The following KATNAL2 variants were observed in gnomAD, a reference collection of about 807,000 sequenced individuals.
KATNAL2 encodes katanin p60 ATPase-containing subunit A-like 2.
A neutral mutation model predicts 76.3 loss-of-function variants in KATNAL2; 52 were observed. That is an observed-to-expected ratio of 0.68 (90% CI 0.55 to 0.86). The LOEUF (loss-of-function observed/expected upper bound fraction) is 0.86. Ranked by LOEUF, KATNAL2 falls within the 40% of genes least tolerant of loss-of-function variation. The pLI, the probability that KATNAL2 is intolerant of heterozygous loss-of-function variation, is 0.00. For synonymous variants in KATNAL2, 243 were observed against 244.2 expected, an observed-to-expected ratio of 1.00 and a Z score of 0.05; for missense variants, 660 against 668.9, an observed-to-expected ratio of 0.99 and a Z score of 0.15.
At chr18:47,035,628 T>A in intron 3 of KATNAL2, 1 of 454,814 alleles carries the variant, frequency 2.2e-6, no homozygotes, top group Middle Eastern at 6.5e-4. Flanking sequence ...TCTTAGCTCT[T>A]GGGCTGCCCC....
At chr18:47,088,023 C>T (rs1457741526) in intron 15 of KATNAL2, among the ~76,000 whole-genome samples, 1 of 152,142 alleles carries the variant, frequency 6.6e-6, no homozygotes, top group Admixed American at 6.6e-5. Context: ...TGACTCAGTG[C>T]CCTGCTGGGC....
intron 1 of KATNAL2, among the ~76,000 whole-genome samples, chr18:46,936,446 A>G (rs2059094293): frequency 1.3e-5 from 2 of 152,290 alleles, no homozygotes; most frequent in East Asian, 3.9e-4. Context: ...ACTTTTCTAC[A>G]TAACCTGGGG....
In KATNAL2 at chr18:47,100,210, G is replaced by A. The variant is rs747606900; in HGVS notation, c.1375-44G>A. 10 of 1,395,950 alleles carry A rather than the reference G, an allele frequency of 7.2e-6. No homozygotes were observed. In the South Asian group the frequency reaches 1.0e-4, roughly 15 times the overall value. 86.5% of individuals were successfully genotyped at this position (1,395,950 alleles called of 1,614,324 possible). On this transcript the variant is annotated intron_variant, in intron 16 of 17. Transcript: ENST00000683218. ...GCCTATAACAACGTAATGGCCAGGA[G>A]CATTCTGCCCACTGACCAATGGCTG...
Position 46,917,683 on chromosome 18 carries a change from C to G in KATNAL2, c.-753C>G. 1 of 468,546 alleles carries G rather than the reference C, an allele frequency of 2.1e-6. No homozygotes were observed. Among genetic ancestry groups the G allele is most frequent in the Non-Finnish European group, 2.8e-6 (1 of 356,022 alleles). The allele number at this position is 468,546 out of a possible 1,614,324, so 29.0% of individuals were successfully genotyped here. On this transcript the variant is annotated 5_prime_UTR_variant, in exon 1 of 18. Transcript: ENST00000683218. ...TGGCCCCGCTCGGCCCCAGGTCGTGCCTTCCCTCCCCGGCGGAGGCCCCTG... is the reference window on the plus strand; with the variant it reads ...TGGCCCCGCTCGGCCCCAGGTCGTGGCTTCCCTCCCCGGCGGAGGCCCCTG...
At chr18:47,099,911 A>G (rs1167913227) in intron 16 of KATNAL2, among the ~76,000 whole-genome samples, 2 of 152,100 alleles carry the variant, frequency 1.3e-5, no homozygotes, top group African/African-American at 4.8e-5. Flanking sequence ...GGCAGGTATG[A>G]TCTTATTTAC....
chr18:47,072,907 C>A (rs998629650), intron 13 of KATNAL2, among the ~76,000 whole-genome samples: 1 of 152,090 alleles, frequency 6.6e-6, no homozygotes, highest in Admixed American at 6.5e-5. Flanking sequence ...TGTGCCAAAA[C>A]GTATTTAACC....
intron 1 of KATNAL2, among the ~76,000 whole-genome samples, chr18:46,930,508 G>C (rs1282759204): frequency 6.6e-6 from 1 of 151,970 alleles, no homozygotes; most frequent in Non-Finnish European, 1.5e-5. Context: ...TATGTCCAGT[G>C]AATGAAGTTA....
intron 15 of KATNAL2, among the ~76,000 whole-genome samples, chr18:47,096,111 T>C (rs1478518494): frequency 1.3e-5 from 2 of 152,192 alleles, no homozygotes; most frequent in South Asian, 2.1e-4. Context: ...AGCTCAGGGT[T>C]AGACAAACAA....
intron 17 of KATNAL2, 73 bp from the exon 18 acceptor site, chr18:47,100,793 C>A: frequency 6.5e-7 from 1 of 1,535,966 alleles, no homozygotes; most frequent in South Asian, 1.1e-5. Flanking sequence ...GAAAGAAGGT[C>A]TATTAGCGTT....
intron 1 of KATNAL2, among the ~76,000 whole-genome samples, chr18:46,922,633 G>T (rs1404096502): frequency 1.3e-5 from 2 of 151,604 alleles, no homozygotes; most frequent in African/African-American, 4.8e-5. Context: ...ATGTCTATCC[G>T]CTAAAGAAAT....
At chr18:46,953,401 A>C (rs982214569) in intron 3 of KATNAL2, among the ~76,000 whole-genome samples, 1 of 152,196 alleles carries the variant, frequency 6.6e-6, no homozygotes, top group Admixed American at 6.5e-5. Flanking sequence ...ACACTTTGGG[A>C]GGCCAAGGCA....
At chr18:46,918,634 C>T (rs1345518911) in intron 1 of KATNAL2, among the ~76,000 whole-genome samples, 1 of 152,140 alleles carries the variant, frequency 6.6e-6, no homozygotes, top group Non-Finnish European at 1.5e-5. Flanking sequence ...GTTGGTCAGG[C>T]TGGTCTCCAA....
chr18:47,047,464 C>A (rs937586239), intron 4 of KATNAL2, among the ~76,000 whole-genome samples: 12 of 152,028 alleles, frequency 7.9e-5, no homozygotes, highest in Admixed American at 5.9e-4. Context: ...CTAAACCCAA[C>A]TCTCTTCTTC....
chr18:47,034,404 T>G (rs2060652704), intron 3 of KATNAL2: 1 of 1,613,950 alleles, frequency 6.2e-7, no homozygotes, highest in Admixed American at 1.7e-5. Context: ...CGCTGCCAGC[T>G]TGCCCCCCTT....
chr18:46,958,840 A>G (rs1357381367), intron 3 of KATNAL2, among the ~76,000 whole-genome samples: 2 of 152,238 alleles, frequency 1.3e-5, no homozygotes, highest in Non-Finnish European at 2.9e-5. Context: ...GAAAACTGGA[A>G]TTGATCCACA....
At chr18:47,040,005 G>A (rs964513827) in intron 3 of KATNAL2, among the ~76,000 whole-genome samples, 1 of 152,154 alleles carries the variant, frequency 6.6e-6, no homozygotes, top group African/African-American at 2.4e-5. Flanking sequence ...GTCTCTTTAA[G>A]CCAATTCCCA....
intron 1 of KATNAL2, among the ~76,000 whole-genome samples, chr18:46,923,850 T>A (rs910607578): frequency 2.2e-4 from 34 of 152,232 alleles, no homozygotes; most frequent in Non-Finnish European, 4.4e-4. Context: ...TTTTCATGTG[T>A]CTTTTGGCTG....
intron 15 of KATNAL2, among the ~76,000 whole-genome samples, chr18:47,087,091 C>T (rs1186019396): frequency 1.3e-5 from 2 of 152,144 alleles, no homozygotes; most frequent in Non-Finnish European, 2.9e-5. Flanking sequence ...TTGTATCTAC[C>T]TTTCTGGTGA....
chr18:47,033,858 C>G (rs369292254), intron 3 of KATNAL2: 2 of 1,614,042 alleles, frequency 1.2e-6, no homozygotes, highest in South Asian at 1.1e-5. Flanking sequence ...TGGCCTGCAT[C>G]CAGGCCTCTG....
Sources: gnomAD v4.1 joint callset for allele counts (sites outside exome capture counted in the v4.1 genomes callset) on GRCh38, gnomAD v4.1.1 for gene constraint, MANE v1.5 for transcripts, NCBI Gene and HGNC (gene_info 2026-07-23, HGNC 2026-07-21) for gene names.